HHAT: variants seen among roughly 807,000 people sequenced by gnomAD.
HHAT encodes protein-cysteine N-palmitoyltransferase HHAT.
A neutral mutation model predicts 70.8 loss-of-function variants in HHAT; 47 were observed. That is an observed-to-expected ratio of 0.66 (90% confidence interval 0.53 to 0.85). The LOEUF (loss-of-function observed/expected upper bound fraction) is 0.85, where lower values mean the gene tolerates loss of function less well. Ranked by LOEUF, HHAT falls within the 40% of genes least tolerant of loss-of-function variation. HHAT has a pLI of 0.00. For synonymous variants in HHAT, 228 were observed against 247.6 expected, an observed-to-expected ratio of 0.92 and a Z score of 0.74; for missense variants, 609 against 604.8, an observed-to-expected ratio of 1.01 and a Z score of -0.07.
At chr1:210,384,767 TC>T (rs973401235) in intron 3 of HHAT, among the ~76,000 whole-genome samples, 15 of 152,190 alleles carry the variant, frequency 9.9e-5, no homozygotes, top group Non-Finnish European at 1.6e-4. Context: ...ATGATGTTGT[TC>T]CTGATTTCAG....
intron 7 of HHAT, among the ~76,000 whole-genome samples, chr1:210,437,260 C>T (rs897353139): frequency 5.9e-5 from 9 of 151,990 alleles, no homozygotes; most frequent in African/African-American, 1.2e-4. Context: ...CATAGCCCAT[C>T]GTCTGACTTC....
chr1:210,391,487 A>T (rs953202980), intron 4 of HHAT, among the ~76,000 whole-genome samples: 2 of 152,212 alleles, frequency 1.3e-5, no homozygotes, highest in African/African-American at 4.8e-5. Flanking sequence ...TGGAAAGGCA[A>T]GTCACTAGTG....
Position 210,464,633 on chromosome 1 carries a change from T to C in HHAT, c.985T>C (p.Phe329Leu). The C allele has an allele frequency of 6.8e-6, 11 of 1,614,180 alleles. No homozygotes were observed. The highest frequency in any genetic ancestry group is 9.3e-6 in the Non-Finnish European group (11 of 1,180,002). Reference protein sequence around the residue: ...PALPRCVSTMFSFTGMWRYFD... With the variant: ...PALPRCVSTMLSFTGMWRYFD... ...CCTCCCCCGCTGCGTGAGCACCATG[T>C]TCAGTTTCACCGGGATGTGGAGGTC... The change falls in exon 8 of 12, where the codon TTC becomes CTC. Residue 329 changes from phenylalanine to leucine, a missense_variant. Phe to Leu is a conservative substitution (Grantham distance 22). Coordinates refer to ENST00000261458, the MANE Select transcript of HHAT (RefSeq NM_018194.6).
At chr1:210,464,755 T>A (rs2094063034) in intron 8 of HHAT, 100 bp downstream of exon 8, 2 of 1,224,042 alleles carry the variant, frequency 1.6e-6, no homozygotes, top group Admixed American at 4.3e-5. Context: ...TCTCCCTGTC[T>A]CTCACTCAAG....
chr1:210,606,501 A>C (rs1665471129), intron 10 of HHAT, among the ~76,000 whole-genome samples: 1 of 139,634 alleles, frequency 7.2e-6, no homozygotes, highest in Non-Finnish European at 1.6e-5. Context: ...TCATCTGTCT[A>C]TTCTCTTCCT....
chr1:210,544,373 T>G (rs954466334), intron 9 of HHAT, among the ~76,000 whole-genome samples: 1 of 135,812 alleles, frequency 7.4e-6, no homozygotes, highest in Non-Finnish European at 1.5e-5. Flanking sequence ...TTTCGTTTTT[T>G]TTTTTTTTTT....
intron 6 of HHAT, among the ~76,000 whole-genome samples, chr1:210,411,543 C>T (rs1319461740): frequency 1.3e-5 from 2 of 151,924 alleles, no homozygotes; most frequent in African/African-American, 4.8e-5. Context: ...CACTTGAGAC[C>T]AGGAGTTCGA....
rs1674237600 is a variant in HHAT, at chr1:210,647,221, C to T, written c.1390+23551C>T. Among the ~76,000 whole-genome samples, 3 of 152,320 alleles carry T rather than the reference C, an allele frequency of 2.0e-5. No individual in the cohort carries two copies. In the South Asian group the frequency reaches 6.2e-4, roughly 32 times the overall value. ...TCACTCCTATCTGTCTCCTGTCTGT[C>T]TTTTCTTCTGATGAGGACACCAGTC... On this transcript the variant is annotated intron_variant, in intron 11 of 11. Transcript: ENST00000261458.
At chr1:210,558,924 AG>A (rs1263067929) in intron 9 of HHAT, among the ~76,000 whole-genome samples, 1 of 152,178 alleles carries the variant, frequency 6.6e-6, no homozygotes, top group African/African-American at 2.4e-5. Context: ...TCCTGTCTGG[AG>A]TAGTGAGGAG....
intron 9 of HHAT, among the ~76,000 whole-genome samples, chr1:210,542,470 C>T (rs1254214127): frequency 5.4e-5 from 8 of 148,996 alleles, no homozygotes; most frequent in Middle Eastern, 3.4e-3. Flanking sequence ...CAGTTTTTGC[C>T]GCATCAGTGT....
chr1:210,567,083 A>G (rs957933253), intron 9 of HHAT, among the ~76,000 whole-genome samples: 1 of 152,160 alleles, frequency 6.6e-6, no homozygotes, highest in Non-Finnish European at 1.5e-5. Flanking sequence ...AAGGGGTTAG[A>G]GCAATGGTGG....
chr1:210,610,205 A>AT (rs1209101301), intron 10 of HHAT, among the ~76,000 whole-genome samples: 1 of 152,096 alleles, frequency 6.6e-6, no homozygotes, highest in Non-Finnish European at 1.5e-5. Context: ...CTTTTTTATA[A>AT]TTGCCATTCT....
intron 9 of HHAT, among the ~76,000 whole-genome samples, chr1:210,582,063 T>C (rs1180151332): frequency 6.6e-6 from 1 of 152,156 alleles, no homozygotes; most frequent in East Asian, 1.9e-4. Context: ...AGTAGGTTCC[T>C]GGGTTAAATT....
At chr1:210,356,047 G>T (rs2087576579) in intron 2 of HHAT, among the ~76,000 whole-genome samples, 1 of 151,778 alleles carries the variant, frequency 6.6e-6, no homozygotes, top group Non-Finnish European at 1.5e-5. Flanking sequence ...CTCCTAAGTA[G>T]CTAGGACTAC....
chr1:210,373,937 A>G (rs891282096), intron 3 of HHAT, among the ~76,000 whole-genome samples: 7 of 152,226 alleles, frequency 4.6e-5, no homozygotes, highest in East Asian at 1.9e-4. Flanking sequence ...TGTGTCTCCA[A>G]TGTTAATGTT....
At chr1:210,535,308 AGAT>A (rs2095359202) in intron 9 of HHAT, among the ~76,000 whole-genome samples, 1 of 150,556 alleles carries the variant, frequency 6.6e-6, no homozygotes, top group Non-Finnish European at 1.5e-5. Flanking sequence ...AGATTGGGTT[AGAT>A]GATTTATGTG....
intron 8 of HHAT, among the ~76,000 whole-genome samples, chr1:210,467,447 G>A (rs2094130052): frequency 6.6e-6 from 1 of 152,186 alleles, no homozygotes; most frequent in South Asian, 2.1e-4. Flanking sequence ...CTTTAAGAAT[G>A]CTTGTTAAAG....
intron 1 of HHAT, among the ~76,000 whole-genome samples, chr1:210,336,731 C>A (rs370673306): frequency 5.9e-5 from 9 of 152,212 alleles, no homozygotes; most frequent in African/African-American, 2.2e-4. Context: ...CTGCAATGAG[C>A]TATGATCATG....
chr1:210,386,224 T>TTTTTC (rs1281227276), intron 3 of HHAT, among the ~76,000 whole-genome samples: 2 of 99,672 alleles, frequency 2.0e-5, no homozygotes, highest in African/African-American at 8.0e-5. Flanking sequence ...GTCCTTTTCT[T>TTTTTC]TTTTTCTTTT....
Sources: allele counts gnomAD v4.1 joint callset (sites outside exome capture counted in the v4.1 genomes callset), GRCh38; gene constraint gnomAD v4.1.1; transcripts MANE v1.5; gene names NCBI Gene and HGNC (gene_info 2026-07-23, HGNC 2026-07-21).